The following RALGDS variants were observed in gnomAD, a reference collection of about 807,000 sequenced individuals.
The protein encoded by RALGDS is ral guanine nucleotide dissociation stimulator, also known as ral guanine nucleotide exchange factor.
RALGDS carries 44 observed loss-of-function variants against 99.8 expected under a neutral mutation model. The observed-to-expected ratio is 0.44, with a 90% CI of 0.35 to 0.57. The LOEUF (loss-of-function observed/expected upper bound fraction) is 0.57. RALGDS is among the 20% of genes least tolerant of loss of function. The pLI, the probability that RALGDS is intolerant of heterozygous loss-of-function variation, is 0.01. For synonymous variants in RALGDS, 529 were observed against 505.0 expected, an observed-to-expected ratio of 1.05 and a Z score of -0.64; for missense variants, 1,022 against 1,203.1, an observed-to-expected ratio of 0.85 and a Z score of 2.23.
At chr9:133,133,870 AT>A (rs937631353), upstream of RALGDS, among the ~76,000 whole-genome samples, 5 of 152,180 alleles carry the variant, frequency 3.3e-5, no homozygotes, top group Non-Finnish European at 7.3e-5. Context: ...TGTGAGGCCC[AT>A]TGTTTACAAA....
chr9:133,125,600 G>T (rs1157937484), upstream of RALGDS, among the ~76,000 whole-genome samples: 1 of 152,154 alleles, frequency 6.6e-6, no homozygotes, highest in East Asian at 1.9e-4. Context: ...GCCTGGCATG[G>T]TGACGCGTGC....
intron 1 of RALGDS, among the ~76,000 whole-genome samples, chr9:133,129,968 C>A (rs1365181566): frequency 6.6e-6 from 1 of 151,990 alleles, no homozygotes; most frequent in Non-Finnish European, 1.5e-5. Context: ...GCACATGCCA[C>A]CATGCTCGGC....
chr9:133,145,452 A>G (rs2119278827), intron 1 of RALGDS, among the ~76,000 whole-genome samples: 1 of 149,176 alleles, frequency 6.7e-6, no homozygotes, highest in South Asian at 2.1e-4. Flanking sequence ...CACCTTTGCT[A>G]CTTCGTCATA....
intron 1 of RALGDS, among the ~76,000 whole-genome samples, chr9:133,112,812 G>A (rs532013798): frequency 6.6e-6 from 1 of 152,312 alleles, no homozygotes; most frequent in South Asian, 2.1e-4. Flanking sequence ...CTTCCCCTCT[G>A]CTCATTCATG....
chr9:133,120,873 T>C (rs894281205), intron 1 of RALGDS, 99 bp downstream of exon 1: 2 of 1,274,900 alleles, frequency 1.6e-6, no homozygotes, highest in Admixed American at 8.1e-5. Flanking sequence ...CCCGCTGGGA[T>C]CGCCCGGCCC....
intron 1 of RALGDS, among the ~76,000 whole-genome samples, chr9:133,137,060 C>A (rs948294167): frequency 3.3e-5 from 5 of 152,172 alleles, no homozygotes; most frequent in African/African-American, 1.2e-4. Context: ...CACGGTAAAA[C>A]CCCATCTCTA....
At chr9:133,124,273 C>T (rs933444826), upstream of RALGDS, among the ~76,000 whole-genome samples, 1 of 151,496 alleles carries the variant, frequency 6.6e-6, no homozygotes, top group Non-Finnish European at 1.5e-5. Context: ...CGCACAGAGA[C>T]AGACACAGGC....
intron 16 of RALGDS, chr9:133,100,955 G>A: frequency 9.6e-7 from 1 of 1,046,846 alleles, no homozygotes. Context: ...CTGGGGTACA[G>A]AGGGTGGGGG....
intron 1 of RALGDS, chr9:133,130,898 G>A (rs1404038524): frequency 6.8e-7 from 1 of 1,474,758 alleles, no homozygotes; most frequent in East Asian, 2.5e-5. Flanking sequence ...CAACCCCAAA[G>A]CCCAGAGATG....
Position 133,107,143 on chromosome 9 carries a change from C to G in RALGDS, c.1355G>C (p.Arg452Pro). Residue 452 changes from arginine (R) to proline (P), a missense_variant, in exon 7 of 18, where the codon CGA becomes CCA. Physicochemically the swap from Arg to Pro is moderately radical, Grantham distance 103. Coordinates refer to ENST00000372050, the MANE Select transcript of RALGDS (RefSeq NM_006266.4). ...GGCCCTGTCTGGGGCTTTCGTGCTT[C>G]GGTTCCCGAGGCAGGTGGTGATGAC... is the stretch of plus-strand genomic sequence containing the variant. ...NCVITTCLGN[R>P]STKAPDRARV... 1 of 1,613,826 alleles carries G rather than the reference C, an allele frequency of 6.2e-7. No homozygotes were observed. Among genetic ancestry groups the G allele is most frequent in the East Asian group, 2.2e-5 (1 of 44,876 alleles).
chr9:133,146,173 A>ATGTTTGTTTGTT (rs926132248), intron 1 of RALGDS, among the ~76,000 whole-genome samples: 52 of 144,336 alleles, frequency 3.6e-4, no homozygotes, highest in African/African-American at 1.3e-3. Flanking sequence ...GGCTCCCATG[A>ATGTTTGTTTGTT]TGTTTGTTTG....
intron 1 of RALGDS, among the ~76,000 whole-genome samples, chr9:133,141,478 C>T (rs1286991178): frequency 6.6e-6 from 1 of 152,012 alleles, no homozygotes; most frequent in South Asian, 2.1e-4. Context: ...TTTCTTACAC[C>T]CTCACAGCAA....
chr9:133,142,786 T>A (rs1239347177), intron 1 of RALGDS, among the ~76,000 whole-genome samples: 3 of 152,194 alleles, frequency 2.0e-5, no homozygotes, highest in African/African-American at 7.2e-5. Flanking sequence ...TTGCCGCCAT[T>A]AACCACCACT....
intron 1 of RALGDS, among the ~76,000 whole-genome samples, chr9:133,148,246 AGCCCC>A (rs1832657546): frequency 6.6e-6 from 1 of 152,180 alleles, no homozygotes; most frequent in African/African-American, 2.4e-5. Flanking sequence ...CCTTTCCTAC[AGCCCC>A]GTCCACACTG....
chr9:133,140,122 G>C (rs751538801), intron 1 of RALGDS, among the ~76,000 whole-genome samples: 32 of 152,010 alleles, frequency 2.1e-4, no homozygotes, highest in Non-Finnish European at 4.1e-4. Context: ...AGCAGGGGTG[G>C]GGTGGGGTGG....
intron 14 of RALGDS, 45 bp downstream of exon 14, chr9:133,102,431 G>A: frequency 1.9e-6 from 3 of 1,579,960 alleles, no homozygotes; most frequent in Non-Finnish European, 2.6e-6. Flanking sequence ...TGAAGCTTCT[G>A]AGCCCCAAGG....
rs1831245686 is a variant in RALGDS at position 133,109,724 on chromosome 9, GCTTATGA to G, written c.489-10_489-4del. On this transcript the variant is annotated splice_polypyrimidine_tract_variant and splice_region_variant and intron_variant, in intron 3 of 17. Coordinates refer to ENST00000372050, the MANE Select transcript of RALGDS (RefSeq NM_006266.4). The stretch of plus-strand genomic sequence containing the variant: ...TGAGGGCGTCACATCTACCGTACCT[GCTTATGA>G]CGTCTAGTGTTACTGTCTGACTCTC... The G allele has an allele frequency of 6.2e-7, 1 of 1,611,228 alleles. No homozygotes were observed. Among genetic ancestry groups the G allele is most frequent in the African/African-American group, 1.3e-5 (1 of 74,868 alleles).
At position 133,102,800 on chromosome 9, in the gene RALGDS, T is replaced by A; in HGVS notation, c.1892A>T (p.Glu631Val). Residue 631 changes from glutamate (E) to valine (V), a missense_variant, in exon 13 of 18, where the codon GAG becomes GTG. Around this residue, in one of 3 missense-constraint regions of RALGDS, gnomAD observed 825 missense variants for 994.5 expected, o/e 0.83. Coordinates refer to ENST00000372050, the MANE Select transcript of RALGDS (RefSeq NM_006266.4). ...EQFGAWFRAV[E>V]RLSETESYNL... ...TCACCTCTCAGTCTCGCTGAGCCGC[T>A]CCACGGCCCGGAACCAGGCCCCAAA... is the stretch of plus-strand genomic sequence containing the variant. 1 of 1,612,976 alleles carries A rather than the reference T, an allele frequency of 6.2e-7. No individual in the cohort carries two copies. Among genetic ancestry groups the A allele is most frequent in the Non-Finnish European group, 8.5e-7 (1 of 1,179,952 alleles).
chr9:133,107,478 G>A (rs535554429), intron 6 of RALGDS, among the ~76,000 whole-genome samples, 178 bp from the exon 7 acceptor site: 4 of 152,326 alleles, frequency 2.6e-5, no homozygotes, highest in South Asian at 4.1e-4. Flanking sequence ...GAGGAGCACC[G>A]CCTCGCGCAG....
Sources: allele counts gnomAD v4.1 joint callset (sites outside exome capture counted in the v4.1 genomes callset), GRCh38; gene constraint gnomAD v4.1.1; regional missense constraint gnomAD v4.1.1; transcripts MANE v1.5; gene names NCBI Gene and HGNC (gene_info 2026-07-23, HGNC 2026-07-21).